The following KDM5A variants were observed in gnomAD, a reference collection of about 807,000 sequenced individuals.
KDM5A encodes the protein lysine-specific demethylase 5A.
In KDM5A, 42 loss-of-function variants were observed where a neutral mutation model predicts 193.5. The ratio of observed to expected loss-of-function variants is 0.22; its 90% confidence interval spans 0.17 to 0.28. The LOEUF (loss-of-function observed/expected upper bound fraction) is 0.28, where lower values mean the gene tolerates loss of function less well. Among genes scored for constraint, KDM5A ranks in the 10% least tolerant of loss-of-function variants. The pLI is 1.00. For synonymous variants in KDM5A, 796 were observed against 718.1 expected (o/e 1.11, Z -1.73); for missense variants, 1,692 against 2,055.1 (o/e 0.82, Z 3.42).
intron 3 of KDM5A, among the ~76,000 whole-genome samples, chr12:382,099 C>G (rs1189808738): frequency 6.6e-6 from 1 of 152,212 alleles, no homozygotes; most frequent in African/African-American, 2.4e-5. Context: ...GTATGAGCCA[C>G]CACATGCCAC....
rs747207978 is a variant in KDM5A, at chr12:322,552, C to T, written c.2291G>A (p.Arg764Gln). ...ATCCTCAGCATCTTCCAGCATTACT[C>T]GCAATTCAATCAAATCTGTAAAAAT... The part of the protein sequence containing the change: ...FNHKKDLIEL[R>Q]VMLEDAEDRK... The change falls in exon 17 of 28, where the codon CGA becomes CAA. Residue 764 changes from arginine (R) to glutamine (Q), a missense_variant. Physicochemically the swap from Arg to Gln is conservative, Grantham distance 43. Around this residue, in one of 11 missense-constraint regions of KDM5A, gnomAD observed 965 missense variants for 1,061.0 expected, o/e 0.91. Coordinates refer to ENST00000399788, the MANE Select transcript of KDM5A (RefSeq NM_001042603.3). 5.0e-6 allele frequency: 8 copies of T among 1,612,212 alleles called. No homozygotes were observed. The highest frequency in any genetic ancestry group is 4.4e-5 in the South Asian group (4 of 91,050).
intron 10 of KDM5A, among the ~76,000 whole-genome samples, chr12:340,940 C>T (rs1022011523): frequency 2.6e-5 from 4 of 152,116 alleles, no homozygotes; most frequent in Non-Finnish European, 5.9e-5. Context: ...CACATTCTTA[C>T]ATGAAGTTGG....
intron 17 of KDM5A, 36 bp downstream of exon 17, chr12:322,381 G>C (rs758092836): frequency 6.2e-7 from 1 of 1,601,720 alleles, no homozygotes; most frequent in East Asian, 2.2e-5. Flanking sequence ...AAAGAAACAG[G>C]AAAACACTGG....
chr12:334,072 T>TA (rs1943895673), intron 11 of KDM5A, among the ~76,000 whole-genome samples, 169 bp downstream of exon 11: 1 of 152,218 alleles, frequency 6.6e-6, no homozygotes, highest in Non-Finnish European at 1.5e-5. Flanking sequence ...TACTTCTAAA[T>TA]AGCTTCACTG....
Position 297,170 on chromosome 12 carries a change from G to C in KDM5A, c.4105C>G (p.Leu1369Val). Residue 1369 changes from leucine (L) to valine (V), a missense_variant, in exon 25 of 28, where the codon CTT (leucine) becomes GTT (valine). Around this residue, in one of 11 missense-constraint regions of KDM5A, gnomAD observed 965 missense variants for 1,061.0 expected, o/e 0.91. Transcript: ENST00000399788. ...TCATCACAAAAAAGATTGGGTTCAA[G>C]ACTACTAGAGGACTTCACACTGGCT... ...DTASVKSSSS[L>V]EPNLFCDEEI... 6.2e-7 allele frequency: 1 copy of C among 1,614,084 alleles called. No homozygotes were observed. The highest frequency in any genetic ancestry group is 8.5e-7 in the Non-Finnish European group (1 of 1,179,980).
chr12:337,940 G>A (rs1443036764), intron 10 of KDM5A, among the ~76,000 whole-genome samples: 1 of 152,036 alleles, frequency 6.6e-6, no homozygotes. Flanking sequence ...ACCGTGCCCA[G>A]CCTATTTCTA....
chr12:328,724 G>T, intron 14 of KDM5A, 111 bp downstream of exon 14: 1 of 885,468 alleles, frequency 1.1e-6, no homozygotes, highest in Non-Finnish European at 1.8e-6. Context: ...CCAAATCAGT[G>T]ATCTTTATGC....
intron 19 of KDM5A, among the ~76,000 whole-genome samples, chr12:317,764 G>A (rs1016520279): frequency 3.9e-5 from 6 of 152,302 alleles, no homozygotes; most frequent in African/African-American, 9.6e-5. Context: ...GTGCTCTGAG[G>A]GTTGAAGAAG....
At chr12:349,438 C>A (rs1475958863) in intron 10 of KDM5A, among the ~76,000 whole-genome samples, 2 of 149,978 alleles carry the variant, frequency 1.3e-5, no homozygotes, top group Non-Finnish European at 2.9e-5. Context: ...TCAAGCAATT[C>A]TCTGCCTCAG....
intron 10 of KDM5A, among the ~76,000 whole-genome samples, chr12:346,189 C>G (rs1944072677): frequency 1.3e-5 from 2 of 152,144 alleles, no homozygotes; most frequent in Non-Finnish European, 2.9e-5. Flanking sequence ...AATTCCTGGA[C>G]ACATACACTC....
At position 380,255 on chromosome 12, in the gene KDM5A, C is replaced by T. The variant is rs368203506; in HGVS notation, c.366+3776G>A. 7.0e-3 allele frequency among the ~76,000 whole-genome samples: 1,031 copies of T among 147,474 alleles called. 9 individuals are homozygous for T. Among genetic ancestry groups the T allele is most frequent in the South Asian group, 0.018 (85 of 4,662 alleles). ...CTAGCCTGGGTGATGGGGGAGACTC[C>T]GTCTCCAAAAAAAAAAAAAAAATGC... On this transcript the variant is annotated intron_variant, in intron 3 of 27. Coordinates refer to ENST00000399788, the MANE Select transcript of KDM5A (RefSeq NM_001042603.3).
chr12:290,697 T>C (rs1052337614), intron 27 of KDM5A, among the ~76,000 whole-genome samples: 3 of 148,480 alleles, frequency 2.0e-5, no homozygotes, highest in East Asian at 2.0e-4. Flanking sequence ...ACCTGTTAAT[T>C]TGACAATTTC....
chr12:307,439 A>T lies in KDM5A; in HGVS notation c.3930+15T>A, dbSNP rs1427436116. 6.2e-7 allele frequency: 1 copy of T among 1,610,602 alleles called. No homozygotes were observed. The highest frequency in any genetic ancestry group is 1.3e-5 in the African/African-American group (1 of 74,844). The stretch of plus-strand genomic sequence containing the variant: ...ATCCCATGAAATAGAAAAAGAATGT[A>T]AATCCTAAACTTGCCTGTAAGTCTG... On this transcript the variant is annotated intron_variant, in intron 23 of 27. Coordinates refer to ENST00000399788, the MANE Select transcript of KDM5A (RefSeq NM_001042603.3). This position sits in a 1 kb window ranked among gnomAD's most constrained non-coding sequence, Gnocchi z 4.3.
chr12:285,756 C>T, intron 27 of KDM5A, 94 bp from the exon 28 acceptor site: 1 of 1,078,076 alleles, frequency 9.3e-7, no homozygotes, highest in Non-Finnish European at 1.4e-6. Context: ...TAAACAATAG[C>T]AAACAACTGG....
At chr12:345,511 G>A (rs1030600645) in intron 10 of KDM5A, among the ~76,000 whole-genome samples, 1 of 152,072 alleles carries the variant, frequency 6.6e-6, no homozygotes, top group African/African-American at 2.4e-5. Context: ...CCACATAATT[G>A]GAAGTAAAGC....
At chr12:372,443 T>C (rs1443648999) in intron 3 of KDM5A, among the ~76,000 whole-genome samples, 2 of 152,238 alleles carry the variant, frequency 1.3e-5, no homozygotes, top group East Asian at 3.8e-4. Context: ...ATTGATTTTG[T>C]ATCCTGAGAC....
At chr12:334,168 T>C in intron 11 of KDM5A, 73 bp downstream of exon 11, 1 of 1,355,564 alleles carries the variant, frequency 7.4e-7, no homozygotes, top group Non-Finnish European at 1.1e-6. Context: ...ACCTTAAAGA[T>C]CAAAAACCTA....
chr12:306,880 CT>C (rs35042439), intron 24 of KDM5A, 65 bp downstream of exon 24: 144,055 of 1,168,486 alleles, frequency 0.12, 8 homozygotes, highest in Non-Finnish European at 0.13. Context: ...TGTTCAATAG[CT>C]TTTTTTTTTT....
chr12:328,664 T>C (rs886866750), intron 14 of KDM5A, among the ~76,000 whole-genome samples, 171 bp downstream of exon 14: 2 of 152,214 alleles, frequency 1.3e-5, no homozygotes, highest in African/African-American at 4.8e-5. Context: ...CCTAAAACGT[T>C]TTTAATCTGG....
Sources: allele counts gnomAD v4.1 joint callset (sites outside exome capture counted in the v4.1 genomes callset), GRCh38; gene constraint gnomAD v4.1.1; regional missense constraint gnomAD v4.1.1; non-coding constraint Gnocchi (gnomAD v3.1); transcripts MANE v1.5; gene names NCBI Gene and HGNC (gene_info 2026-07-23, HGNC 2026-07-21).